NFASC: variants seen among roughly 807,000 people sequenced by gnomAD.
NFASC encodes the protein neurofascin homolog.
Under a neutral mutation model 147.5 loss-of-function variants are expected in NFASC, and 43 were observed. The ratio of observed to expected loss-of-function variants is 0.29; its 90% CI spans 0.23 to 0.38. NFASC has a LOEUF of 0.38. Among genes scored for constraint, NFASC ranks in the 10% least tolerant of loss-of-function variants. The pLI is 1.00. For synonymous variants in NFASC, 622 were observed against 665.5 expected (o/e 0.93, Z 1.01); for missense variants, 1,320 against 1,689.0 (o/e 0.78, Z 3.83).
rs1016872267 is a variant in NFASC at position 204,968,479 on chromosome 1, G to A, written c.818+119G>A. The stretch of plus-strand genomic sequence containing the variant: ...TACCAGTAGCACAGCAAAAAGAGAA[G>A]CAAACAGCCTCTAGTGAGCAGGGTG... On this transcript the variant is annotated intron_variant, in intron 9 of 29. Coordinates refer to ENST00000339876, the MANE Select transcript of NFASC (RefSeq NM_001005388.3). This position sits in a 1 kb window ranked among gnomAD's most constrained non-coding sequence, Gnocchi z 5.4. The A allele has an allele frequency of 4.1e-6, 3 of 731,718 alleles. No homozygotes were observed. The highest frequency in any genetic ancestry group is 7.0e-6 in the Non-Finnish European group (3 of 428,376). 45.3% of individuals were successfully genotyped at this position (731,718 alleles called of 1,614,324 possible). A position where few individuals can be genotyped will look rare whatever the true frequency, so the allele number is the denominator to read the frequency against.
intron 3 of NFASC, chr1:204,946,665 G>A: frequency 1.9e-6 from 1 of 515,250 alleles, no homozygotes; most frequent in South Asian, 1.4e-5. Context: ...TGCTGGGCTG[G>A]AAGGTGGTGG....
At chr1:204,981,574 G>A (rs1054468625) in intron 20 of NFASC, among the ~76,000 whole-genome samples, 6 of 152,264 alleles carry the variant, frequency 3.9e-5, no homozygotes, top group Admixed American at 2.0e-4. Context: ...GGTCTCAGGC[G>A]AAGCCTGTGT....
At chr1:204,973,207 C>T in intron 11 of NFASC, 69 bp from the exon 12 acceptor site, 1 of 1,568,240 alleles carries the variant, frequency 6.4e-7, no homozygotes, top group South Asian at 1.1e-5. Context: ...GAGCCCTGGC[C>T]AGAGCCCCAA....
chr1:205,008,169 T>A (rs1443594027), intron 27 of NFASC, among the ~76,000 whole-genome samples: 1 of 152,148 alleles, frequency 6.6e-6, no homozygotes, highest in Non-Finnish European at 1.5e-5. Context: ...AAAATCAGTC[T>A]TCACCCCGTA....
At chr1:204,849,427 G>A (rs920415299) in intron 1 of NFASC, among the ~76,000 whole-genome samples, 7 of 152,120 alleles carry the variant, frequency 4.6e-5, no homozygotes, top group African/African-American at 1.7e-4. Context: ...TGAGGCACTG[G>A]GGGGGCTTGT....
Position 205,012,817 on chromosome 1 carries a change from C to T in NFASC, c.3442C>T (p.Pro1148Ser). The T allele has an allele frequency of 2.5e-6, 4 of 1,613,422 alleles. No individual in the cohort carries two copies. The South Asian group carries it at 3.3e-5, about 13-fold the overall frequency. Residue 1148 changes from proline (P) to serine (S), a missense_variant, in exon 29 of 30, where the codon CCC becomes TCC. Physicochemically the swap from Pro to Ser is moderately conservative, Grantham distance 74 (BLOSUM62 -1). Around this residue, in one of 3 missense-constraint regions of NFASC, gnomAD observed 167 missense variants for 233.8 expected, o/e 0.71. Transcript: ENST00000339876. ...CCAAGTACGAGAAAAGAAGGATGTT[C>T]CCCTTGGCCCTGAAGACCCCAAGGA... ...KYPVREKKDV[P>S]LGPEDPKEED...
intron 8 of NFASC, among the ~76,000 whole-genome samples, chr1:204,964,106 T>G (rs1023803951): frequency 6.6e-6 from 1 of 152,176 alleles, no homozygotes; most frequent in Non-Finnish European, 1.5e-5. Context: ...TGAGGTAGAC[T>G]GCCTTGAATT....
Position 204,987,608 on chromosome 1 carries a change from C to T in NFASC, c.2593+68C>T. On this transcript the variant is annotated intron_variant, in intron 22 of 29. Transcript: ENST00000339876. This position sits in a 1 kb window ranked among gnomAD's most constrained non-coding sequence, Gnocchi z 4.4. Reference sequence around the variant, plus strand: ...AGAAACCCCATTCTCACCACTTTTCCTAAGGACTCAAGGTAGAAAGCCTGT... The same window carrying T: ...AGAAACCCCATTCTCACCACTTTTCTTAAGGACTCAAGGTAGAAAGCCTGT... 7 of 1,588,260 alleles carry T rather than the reference C, an allele frequency of 4.4e-6. No individual in the cohort carries two copies. The highest frequency in any genetic ancestry group is 6.0e-6 in the Non-Finnish European group (7 of 1,159,992).
intron 4 of NFASC, among the ~76,000 whole-genome samples, chr1:204,951,505 G>C (rs2094126982): frequency 7.3e-6 from 1 of 136,846 alleles, no homozygotes; most frequent in African/African-American, 2.8e-5. Context: ...ATATCGCTCT[G>C]TCGCCCAGGC....
Position 204,970,356 on chromosome 1 carries a change from T to G in NFASC, c.1004-260T>G, listed in dbSNP as rs1027060609. Among the ~76,000 whole-genome samples the G allele has an allele frequency of 6.6e-5, 10 of 152,312 alleles. No homozygotes were observed. The South Asian group carries it at 1.9e-3, about 28-fold the overall frequency. On this transcript the variant is annotated intron_variant, in intron 10 of 29. Coordinates refer to ENST00000339876, the MANE Select transcript of NFASC (RefSeq NM_001005388.3). ...ACATCCCTTTTTTTAAAAAAAGCTC[T>G]TCAGGGGATTCTAGTGAGCAGCCCC...
chr1:204,960,097 G>A (rs1356231552), intron 8 of NFASC, among the ~76,000 whole-genome samples: 2 of 152,228 alleles, frequency 1.3e-5, no homozygotes, highest in Non-Finnish European at 2.9e-5. Flanking sequence ...GTCTGGAGAG[G>A]ACACAGGCTT....
At chr1:204,837,582 C>T (rs958902438) in intron 1 of NFASC, among the ~76,000 whole-genome samples, 1 of 152,136 alleles carries the variant, frequency 6.6e-6, no homozygotes, top group African/African-American at 2.4e-5. Flanking sequence ...TCCCAGGCAC[C>T]TGGTGGTTTC....
intron 3 of NFASC, among the ~76,000 whole-genome samples, chr1:204,947,798 C>T (rs918540022): frequency 6.6e-6 from 1 of 152,106 alleles, no homozygotes; most frequent in Non-Finnish European, 1.5e-5. Flanking sequence ...AGAAACAATT[C>T]CTTCCCACCT....
chr1:204,889,066 A>G (rs2081891130), intron 1 of NFASC, among the ~76,000 whole-genome samples: 1 of 152,222 alleles, frequency 6.6e-6, no homozygotes, highest in South Asian at 2.1e-4. Flanking sequence ...CAGGAGCTCA[A>G]GGGCAAGAAC....
In NFASC at chr1:204,986,201, A is replaced by G. The variant is rs11240325; in HGVS notation, c.2471-1217A>G. The stretch of plus-strand genomic sequence containing the variant: ...TGGAGAAACTCCAGCGTGGCTCAGC[A>G]TGGATGGCACAAGGTGACTTCTGCG... On this transcript the variant is annotated intron_variant, in intron 21 of 29. Coordinates refer to ENST00000339876, the MANE Select transcript of NFASC (RefSeq NM_001005388.3). The surrounding 1 kb of genome is among the most constrained non-coding windows in gnomAD (Gnocchi z 4.2). The G allele has an allele frequency of 0.31, 313,028 of 1,001,798 alleles. 51,537 individuals carry two copies. Among genetic ancestry groups the G allele is most frequent in the Middle Eastern group, 0.43 (1,724 of 4,048 alleles). 62.1% of individuals were successfully genotyped at this position (1,001,798 alleles called of 1,614,324 possible).
chr1:204,972,144 G>A (rs532091305), intron 11 of NFASC, among the ~76,000 whole-genome samples: 42 of 152,292 alleles, frequency 2.8e-4, no homozygotes, highest in South Asian at 2.1e-4. Flanking sequence ...CTGATTCCCC[G>A]GTTCTGGGCT....
rs1379315621 is a variant in NFASC, at chr1:205,019,689, G to C, written c.*3150G>C. 6.6e-6 allele frequency: 1 copy of C among 152,258 alleles called. No individual in the cohort carries two copies. Among genetic ancestry groups the C allele is most frequent in the African/African-American group, 2.4e-5 (1 of 41,456 alleles). 9.4% of individuals were successfully genotyped at this position (152,258 alleles called of 1,614,324 possible). A position where few individuals can be genotyped will look rare whatever the true frequency, so the allele number is the denominator to read the frequency against. On this transcript the variant is annotated 3_prime_UTR_variant, in exon 30 of 30. Coordinates refer to ENST00000339876, the MANE Select transcript of NFASC (RefSeq NM_001005388.3). ...CCACTGATGGCTGCGAGCTTGAAGAGAGGGATTCTGAGGGAGAGCTTGGTC... is the reference window on the plus strand; with the variant it reads ...CCACTGATGGCTGCGAGCTTGAAGACAGGGATTCTGAGGGAGAGCTTGGTC...
At chr1:205,006,046 G>T (rs144909675) in intron 27 of NFASC, among the ~76,000 whole-genome samples, 8 of 152,272 alleles carry the variant, frequency 5.3e-5, no homozygotes, top group African/African-American at 1.9e-4. Flanking sequence ...CGTTGCAGAC[G>T]CACAAACCAA....
intron 8 of NFASC, among the ~76,000 whole-genome samples, chr1:204,965,018 G>A (rs1257288593): frequency 6.6e-6 from 1 of 152,202 alleles, no homozygotes; most frequent in Non-Finnish European, 1.5e-5. Flanking sequence ...CCCACTCTGA[G>A]CCACAGCTTA....
Sources: allele counts gnomAD v4.1 joint callset (sites outside exome capture counted in the v4.1 genomes callset), GRCh38; gene constraint gnomAD v4.1.1; regional missense constraint gnomAD v4.1.1; non-coding constraint Gnocchi (gnomAD v3.1); transcripts MANE v1.5; gene names NCBI Gene and HGNC (gene_info 2026-07-23, HGNC 2026-07-21).